ODAD2: variants seen among roughly 807,000 people sequenced by gnomAD.
ODAD2 encodes the protein outer dynein arm docking complex subunit 2.
In ODAD2, 89 loss-of-function variants were observed where a neutral mutation model predicts 106.8. That is an observed-to-expected ratio of 0.83 (90% CI 0.70 to 0.99). The LOEUF (loss-of-function observed/expected upper bound fraction) is 0.99. ODAD2 is among the 50% of genes least tolerant of loss of function. ODAD2 has a pLI of 0.00. For synonymous variants in ODAD2, 404 were observed against 436.2 expected (o/e 0.93, Z 0.92); for missense variants, 1,168 against 1,238.5 (o/e 0.94, Z 0.85).
At chr10:27,926,523 G>C (rs1200467019) in intron 16 of ODAD2, among the ~76,000 whole-genome samples, 1 of 152,052 alleles carries the variant, frequency 6.6e-6, no homozygotes, top group Admixed American at 6.6e-5. Context: ...CAAAAATCTG[G>C]ACTTGAATAA....
chr10:27,987,600 T>C, intron 2 of ODAD2, 57 bp from the exon 3 acceptor site: 1 of 1,306,346 alleles, frequency 7.7e-7, no homozygotes, highest in Non-Finnish European at 1.1e-6. Context: ...TCAGTAGAAG[T>C]TAAATTTAAG....
At chr10:27,981,616 A>AC in intron 6 of ODAD2, 34 bp from the exon 7 acceptor site, 2 of 1,373,800 alleles carry the variant, frequency 1.5e-6, no homozygotes, top group Non-Finnish European at 2.0e-6. Flanking sequence ...TCTATGATTA[A>AC]CATAAGAACA....
At chr10:27,814,298 C>A (rs1484376543) in intron 19 of ODAD2, among the ~76,000 whole-genome samples, 1 of 152,178 alleles carries the variant, frequency 6.6e-6, no homozygotes, top group Non-Finnish European at 1.5e-5. Flanking sequence ...TGTGGCTCCA[C>A]CCCAGTGCAC....
At chr10:27,847,456 C>T (rs1838865160) in intron 19 of ODAD2, among the ~76,000 whole-genome samples, 1 of 152,216 alleles carries the variant, frequency 6.6e-6, no homozygotes, top group Non-Finnish European at 1.5e-5. Context: ...GACATACCCA[C>T]AGCCAATATC....
In ODAD2 at chr10:27,987,447, C is replaced by A. The variant is rs1250597718; in HGVS notation, c.321G>T (p.Leu107=). 1 of 1,613,934 alleles carries A rather than the reference C, an allele frequency of 6.2e-7. No individual in the cohort carries two copies. The highest frequency in any genetic ancestry group is 1.1e-5 in the South Asian group (1 of 91,026). ...PQIKIRSFGQ[L]SRLLLIAKTG... ...TTTTGGCAATAAGTAACAAGCGTGA[C>A]AGCTGCCCAAAGCTCCTAATTTTAA... The change falls in exon 3 of 20, where the codon CTG becomes CTT. Residue 107 remains leucine (L), a synonymous_variant. Coordinates refer to ENST00000305242, the MANE Select transcript of ODAD2 (RefSeq NM_018076.5).
chr10:27,977,241 C>T (rs1849246651), intron 7 of ODAD2, among the ~76,000 whole-genome samples: 1 of 151,978 alleles, frequency 6.6e-6, no homozygotes, highest in Non-Finnish European at 1.5e-5. Context: ...AAGACTCTTG[C>T]TCTTTGAAAG....
chr10:27,932,225 C>G (rs951380109), intron 16 of ODAD2, among the ~76,000 whole-genome samples: 7 of 152,094 alleles, frequency 4.6e-5, no homozygotes, highest in Non-Finnish European at 1.0e-4. Flanking sequence ...TGTAAGCCAC[C>G]ACGTCATTAG....
intron 16 of ODAD2, among the ~76,000 whole-genome samples, chr10:27,908,264 G>T (rs1005080375): frequency 6.6e-6 from 1 of 152,148 alleles, no homozygotes; most frequent in Non-Finnish European, 1.5e-5. Flanking sequence ...ACACCACAGT[G>T]CATCCTTTGT....
chr10:27,923,810 G>A (rs1417188807), intron 16 of ODAD2, among the ~76,000 whole-genome samples: 3 of 151,798 alleles, frequency 2.0e-5, no homozygotes, highest in Non-Finnish European at 4.4e-5. Flanking sequence ...TTAGCTGGAT[G>A]TGGAGGCACA....
At chr10:27,857,154 A>T (rs1440050635) in intron 19 of ODAD2, among the ~76,000 whole-genome samples, 2 of 152,110 alleles carry the variant, frequency 1.3e-5, no homozygotes, top group Non-Finnish European at 2.9e-5. Context: ...GACCAACTCA[A>T]CTTCTTCCTC....
chr10:27,910,624 G>A (rs145647909), intron 16 of ODAD2, among the ~76,000 whole-genome samples: 150 of 152,208 alleles, frequency 9.9e-4, no homozygotes, highest in African/African-American at 3.3e-3. Flanking sequence ...AGGCATGGTG[G>A]TGCACGACTC....
chr10:27,920,766 CCA>C (rs1844719344), intron 16 of ODAD2, among the ~76,000 whole-genome samples: 1 of 152,002 alleles, frequency 6.6e-6, no homozygotes, highest in South Asian at 2.1e-4. Context: ...ATCTGGGCAG[CCA>C]CAGAGAGATT....
At chr10:27,997,322 G>A (rs1225780668) in intron 1 of ODAD2, among the ~76,000 whole-genome samples, 1 of 152,160 alleles carries the variant, frequency 6.6e-6, no homozygotes, top group African/African-American at 2.4e-5. Flanking sequence ...TGTGAAATAA[G>A]TGCAAATAGC....
In ODAD2 at chr10:27,944,860, C is replaced by T. The variant is rs1430505402; in HGVS notation, c.1489G>A (p.Glu497Lys). The stretch of plus-strand genomic sequence containing the variant: ...GTTTCAAGCAAATTTATCAGCACTT[C>T]CAGGCCTCCAACATCTCTGATGGCC... ...QLAIRDVGGLEVLINLLETDE... is the reference protein window; with the variant it reads ...QLAIRDVGGLKVLINLLETDE... The change falls in exon 11 of 20, where the codon GAA becomes AAA. Residue 497 changes from glutamate (E) to lysine (K), a missense_variant. Transcript: ENST00000305242. 3.7e-6 allele frequency: 6 copies of T among 1,614,022 alleles called. No individual in the cohort carries two copies. Among genetic ancestry groups the T allele is most frequent in the Non-Finnish European group, 4.2e-6 (5 of 1,180,012 alleles).
intron 17 of ODAD2, among the ~76,000 whole-genome samples, chr10:27,867,368 C>A (rs991205248): frequency 6.6e-6 from 1 of 152,142 alleles, no homozygotes; most frequent in Non-Finnish European, 1.5e-5. Context: ...TTCTGTTAGG[C>A]CTGAGTTCCA....
intron 19 of ODAD2, among the ~76,000 whole-genome samples, chr10:27,839,304 G>T (rs1007663979): frequency 7.9e-5 from 12 of 152,150 alleles, no homozygotes; most frequent in Non-Finnish European, 1.5e-5. Flanking sequence ...AAGTATGAAG[G>T]CAATGGCTTC....
At chr10:27,844,477 C>T (rs537084299) in intron 19 of ODAD2, among the ~76,000 whole-genome samples, 3 of 152,336 alleles carry the variant, frequency 2.0e-5, no homozygotes, top group South Asian at 4.1e-4. Context: ...TAGGAGTCCA[C>T]ACATATATGT....
intron 19 of ODAD2, among the ~76,000 whole-genome samples, chr10:27,842,815 A>T (rs1838409136): frequency 6.6e-6 from 1 of 152,180 alleles, no homozygotes; most frequent in Admixed American, 6.5e-5. Context: ...AAAAATAATA[A>T]TTTAATAATA....
intron 19 of ODAD2, among the ~76,000 whole-genome samples, chr10:27,830,887 CT>C (rs1440778906): frequency 6.6e-6 from 1 of 152,214 alleles, no homozygotes; most frequent in African/African-American, 2.4e-5. Context: ...ACATCTTATA[CT>C]TCTGGCAAGA....
Sources: gnomAD v4.1 joint callset for allele counts (sites outside exome capture counted in the v4.1 genomes callset) on GRCh38, gnomAD v4.1.1 for gene constraint, MANE v1.5 for transcripts, NCBI Gene and HGNC (gene_info 2026-07-23, HGNC 2026-07-21) for gene names.